MAML3: variants seen among roughly 807,000 people sequenced by gnomAD.
The protein encoded by MAML3 is mastermind-like protein 3.
In MAML3, 27 loss-of-function variants were observed where a neutral mutation model predicts 101.9. The observed-to-expected ratio is 0.27, with a 90% CI of 0.20 to 0.37. The LOEUF (loss-of-function observed/expected upper bound fraction) is 0.37. Ranked by LOEUF, MAML3 falls within the 10% of genes least tolerant of loss-of-function variation. MAML3 has a pLI of 1.00. For missense variants in MAML3, 1,316 were observed against 1,444.9 expected (o/e 0.91, Z 1.45); for synonymous variants, 501 against 555.9 (o/e 0.90, Z 1.39).
At chr4:139,743,876 G>A (rs1340586913) in intron 2 of MAML3, among the ~76,000 whole-genome samples, 1 of 152,162 alleles carries the variant, frequency 6.6e-6, no homozygotes, top group East Asian at 1.9e-4. Context: ...GGGTCTCTGA[G>A]TCCCCATTAA....
At chr4:139,759,606 T>A (rs1729714059) in intron 2 of MAML3, among the ~76,000 whole-genome samples, 1 of 152,234 alleles carries the variant, frequency 6.6e-6, no homozygotes, top group Non-Finnish European at 1.5e-5. Flanking sequence ...GAACTGCAGA[T>A]GTTAGAGGCT....
In MAML3 at chr4:139,719,251, G is replaced by A. The variant is rs901953490; in HGVS notation, c.*72C>T. ...TCAAAAAAACAAAAAACAAGGATGGGTCAACATCCTGTTTCTTTTTCACTT... is the reference window on the plus strand; with the variant it reads ...TCAAAAAAACAAAAAACAAGGATGGATCAACATCCTGTTTCTTTTTCACTT... On this transcript the variant is annotated 3_prime_UTR_variant, in exon 5 of 5. Transcript: ENST00000509479. 3.3e-5 allele frequency: 49 copies of A among 1,487,778 alleles called. No individual in the cohort carries two copies. The highest frequency in any genetic ancestry group is 1.9e-4 in the Middle Eastern group (1 of 5,260). 92.2% of individuals were successfully genotyped at this position (1,487,778 alleles called of 1,614,324 possible).
intron 1 of MAML3, among the ~76,000 whole-genome samples, chr4:140,063,398 C>T (rs1018823587): frequency 1.3e-5 from 2 of 152,118 alleles, no homozygotes; most frequent in African/African-American, 4.8e-5. Context: ...ATCAGGAAGA[C>T]AAGTGACTCA....
At chr4:139,954,255 C>T (rs1733880217) in intron 1 of MAML3, among the ~76,000 whole-genome samples, 1 of 152,174 alleles carries the variant, frequency 6.6e-6, no homozygotes, top group Admixed American at 6.5e-5. Flanking sequence ...AATGGCTGAA[C>T]CCCCTGCAAA....
chr4:139,781,005 T>C (rs79083829), intron 2 of MAML3, among the ~76,000 whole-genome samples: 2,539 of 152,244 alleles, frequency 0.017, 65 homozygotes, highest in African/African-American at 0.057. Context: ...ACCATCAAAA[T>C]CATCATTTTA....
rs70943444 is a variant in MAML3, at chr4:139,832,094, C to CTTTTTTTTTTTTTTTTTTT, written c.2079+57244_2079+57262dup. Among the ~76,000 whole-genome samples the CTTTTTTTTTTTTTTTTTTT allele has an allele frequency of 1.2e-3, 75 of 64,706 alleles. 11 individuals carry two copies. Among genetic ancestry groups the CTTTTTTTTTTTTTTTTTTT allele is most frequent in the Non-Finnish European group, 2.2e-3 (65 of 29,898 alleles). The allele number at this position is 64,706 out of a possible 152,430, so 42.4% of individuals were successfully genotyped here. On this transcript the variant is annotated intron_variant, in intron 2 of 4. Coordinates refer to ENST00000509479, the MANE Select transcript of MAML3 (RefSeq NM_018717.5). ...AGGCGTGAGCCATCATGCCCAGCCC[C>CTTTTTTTTTTTTTTTTTTT]TTTTTTTTTTTTTTTTTTTTTTTTT...
rs193106635 is a variant in MAML3 at position 140,065,534 on chromosome 4, G to T, written c.468+87326C>A. ...GCTTTCCCATCTTCAAGACCTTCTG[G>T]AATAAACTCGATGCAGACAGTCTCT... On this transcript the variant is annotated intron_variant, in intron 1 of 4. Coordinates refer to ENST00000509479, the MANE Select transcript of MAML3 (RefSeq NM_018717.5). Among the ~76,000 whole-genome samples the T allele has an allele frequency of 1.0e-3, 152 of 152,186 alleles. 1 individual carries two copies. The highest frequency in any genetic ancestry group is 2.9e-3 in the African/African-American group (121 of 41,516).
chr4:139,833,769 T>C (rs1398495642), intron 2 of MAML3, among the ~76,000 whole-genome samples: 1 of 152,138 alleles, frequency 6.6e-6, no homozygotes, highest in East Asian at 1.9e-4. Flanking sequence ...ATAGACCGAC[T>C]TGCCCATTTG....
At chr4:139,745,091 C>T (rs1232134795) in intron 2 of MAML3, among the ~76,000 whole-genome samples, 1 of 152,166 alleles carries the variant, frequency 6.6e-6, no homozygotes, top group African/African-American at 2.4e-5. Context: ...AGGGACTTGA[C>T]TGAGAGCCTT....
At chr4:140,109,077 A>G (rs142689315) in intron 1 of MAML3, among the ~76,000 whole-genome samples, 79 of 152,336 alleles carry the variant, frequency 5.2e-4, no homozygotes, top group African/African-American at 1.7e-3. Flanking sequence ...ACTCACACAT[A>G]CAAGTTACAC....
Position 139,953,398 on chromosome 4 carries a change from G to A in MAML3, c.469-62431C>T, listed in dbSNP as rs755777668. 7.3e-4 allele frequency among the ~76,000 whole-genome samples: 111 copies of A among 152,312 alleles called. 1 individual carries two copies. The highest frequency in any genetic ancestry group is 1.1e-3 in the Non-Finnish European group (75 of 68,028). On this transcript the variant is annotated intron_variant, in intron 1 of 4. Coordinates refer to ENST00000509479, the MANE Select transcript of MAML3 (RefSeq NM_018717.5). ...CCTAACAATTTGAGAGGCTGAGGCG[G>A]GTGGATCACTTGAGGTCAGGAGTTT...
chr4:139,809,534 C>T (rs1460092557), intron 2 of MAML3, among the ~76,000 whole-genome samples: 1 of 152,202 alleles, frequency 6.6e-6, no homozygotes, highest in Non-Finnish European at 1.5e-5. Context: ...CTGGTCCCCA[C>T]CCTCTGCTAG....
chr4:139,947,693 T>C (rs1488482942), intron 1 of MAML3, among the ~76,000 whole-genome samples: 2 of 152,212 alleles, frequency 1.3e-5, no homozygotes, highest in Non-Finnish European at 2.9e-5. Flanking sequence ...GCTGTGATCC[T>C]GGAGCAAGTT....
At chr4:139,732,702 C>T (rs184991818) in intron 2 of MAML3, among the ~76,000 whole-genome samples, 6 of 151,740 alleles carry the variant, frequency 4.0e-5, no homozygotes, top group East Asian at 3.9e-4. Flanking sequence ...GTAAGCAGAA[C>T]GCTGATTTTG....
intron 1 of MAML3, among the ~76,000 whole-genome samples, chr4:139,933,737 C>T (rs558127292): frequency 6.6e-6 from 1 of 152,276 alleles, no homozygotes; most frequent in South Asian, 2.1e-4. Flanking sequence ...AATCAAACTT[C>T]AGGTGTAGTA....
intron 2 of MAML3, among the ~76,000 whole-genome samples, chr4:139,854,343 T>G (rs1205535636): frequency 6.6e-6 from 1 of 151,530 alleles, no homozygotes; most frequent in Non-Finnish European, 1.5e-5. Flanking sequence ...AGTGACTTGC[T>G]TAAATCCACA....
rs141722233 is a variant in MAML3 at position 139,942,737 on chromosome 4, T to C, written c.469-51770A>G. Among the ~76,000 whole-genome samples the C allele has an allele frequency of 6.8e-3, 1,030 of 152,278 alleles. 14 individuals are homozygous for C. Among genetic ancestry groups the C allele is most frequent in the African/African-American group, 0.024 (987 of 41,538 alleles). On this transcript the variant is annotated intron_variant, in intron 1 of 4. Transcript: ENST00000509479. Reference sequence around the variant, plus strand: ...TCTATGATTAGGTATATTTCTTATGTGTAAACTATATAGAAACACATGTTG... The same window carrying C: ...TCTATGATTAGGTATATTTCTTATGCGTAAACTATATAGAAACACATGTTG...
intron 1 of MAML3, among the ~76,000 whole-genome samples, chr4:139,925,001 T>TC (rs1733192981): frequency 6.6e-6 from 1 of 151,694 alleles, no homozygotes; most frequent in African/African-American, 2.4e-5. Flanking sequence ...CTTTTTTTTT[T>TC]CAGTGTTTAG....
chr4:139,730,752 C>A (rs148049902), intron 2 of MAML3, 85 bp from the exon 3 acceptor site: 11 of 1,286,664 alleles, frequency 8.5e-6, no homozygotes, highest in Non-Finnish European at 1.2e-5. Flanking sequence ...AAAAAGGGAA[C>A]GGGGCAGAAG....
Sources: gnomAD v4.1 joint callset for allele counts (sites outside exome capture counted in the v4.1 genomes callset) on GRCh38, gnomAD v4.1.1 for gene constraint, MANE v1.5 for transcripts, NCBI Gene and HGNC (gene_info 2026-07-23, HGNC 2026-07-21) for gene names.